The following ITPRID1 variants were observed in gnomAD, a reference collection of about 807,000 sequenced individuals.
The protein encoded by ITPRID1 is ITPR interacting domain containing 1, also known as protein ITPRID1.
In ITPRID1, 96 loss-of-function variants were observed where a neutral mutation model predicts 95.4. The ratio of observed to expected loss-of-function variants is 1.01; its 90% CI spans 0.85 to 1.19. The LOEUF (loss-of-function observed/expected upper bound fraction) is 1.19, where lower values mean the gene tolerates loss of function less well. Ranked by LOEUF, ITPRID1 falls within the 50% of genes most tolerant of loss-of-function variation. The probability of loss-of-function intolerance (pLI) is 0.00; values close to 1 mark genes in which losing one functional copy is unlikely to be tolerated. For missense variants in ITPRID1, 1,339 were observed against 1,252.9 expected (o/e 1.07, Z -1.04); for synonymous variants, 510 against 453.6 (o/e 1.12, Z -1.58).
Position 31,655,383 on chromosome 7 carries a change from C to T in ITPRID1, c.*2554C>T, listed in dbSNP as rs180970960. Among the ~76,000 whole-genome samples, 17 of 152,300 alleles carry T rather than the reference C, an allele frequency of 1.1e-4. No homozygotes were observed. The highest frequency in any genetic ancestry group is 2.9e-4 in the African/African-American group (12 of 41,570). ...AGTTTCCTCAGAACGAATTACCTGGCGACAGTGCAACATAGGTGCTTCCTA... is the reference window on the plus strand; with the variant it reads ...AGTTTCCTCAGAACGAATTACCTGGTGACAGTGCAACATAGGTGCTTCCTA... On this transcript the variant is annotated 3_prime_UTR_variant, in exon 15 of 15. Transcript: ENST00000615280.
intron 10 of ITPRID1, among the ~76,000 whole-genome samples, chr7:31,604,044 G>T (rs1417569708): frequency 6.6e-6 from 1 of 152,110 alleles, no homozygotes; most frequent in Non-Finnish European, 1.5e-5. Flanking sequence ...CAAAACATAT[G>T]TACCTAACTA....
At chr7:31,641,596 G>T (rs1790023197) in intron 10 of ITPRID1, among the ~76,000 whole-genome samples, 1 of 152,078 alleles carries the variant, frequency 6.6e-6, no homozygotes, top group African/African-American at 2.4e-5. Context: ...ACATTTCATG[G>T]ATGCTCCTGT....
rs560850298 is a variant in ITPRID1, at chr7:31,639,687, C to G, written c.1229-2489C>G. On this transcript the variant is annotated intron_variant, in intron 10 of 14. Transcript: ENST00000615280. ...AAGTATCTGGGACTACAGGTGCCTG[C>G]CACCATGCCCGGCTAATTTTTAGTA... 4.6e-5 allele frequency among the ~76,000 whole-genome samples: 7 copies of G among 152,000 alleles called. No individual in the cohort carries two copies. In the East Asian group the frequency reaches 1.2e-3, roughly 25 times the overall value.
chr7:31,598,908 T>C (rs879839142), intron 10 of ITPRID1, among the ~76,000 whole-genome samples: 11 of 152,216 alleles, frequency 7.2e-5, no homozygotes, highest in African/African-American at 2.7e-4. Context: ...TAGTATTTGA[T>C]ACTATCAAGT....
chr7:31,623,226 A>C (rs1018194539), intron 10 of ITPRID1, among the ~76,000 whole-genome samples: 1 of 152,184 alleles, frequency 6.6e-6, no homozygotes, highest in Non-Finnish European at 1.5e-5. Context: ...TCAATAGAAA[A>C]AGAGGGAATC....
intron 1 of ITPRID1, among the ~76,000 whole-genome samples, chr7:31,543,986 A>G (rs557678944): frequency 1.3e-5 from 2 of 152,236 alleles, no homozygotes; most frequent in South Asian, 4.1e-4. Context: ...TTCTAGCATC[A>G]CTTGTTAAAG....
chr7:31,600,975 C>T (rs925686695), intron 10 of ITPRID1, among the ~76,000 whole-genome samples: 2 of 152,090 alleles, frequency 1.3e-5, no homozygotes, highest in Non-Finnish European at 2.9e-5. Context: ...TGGGGGAGAG[C>T]CGTCTTCTGC....
intron 10 of ITPRID1, among the ~76,000 whole-genome samples, chr7:31,607,572 A>G (rs1786679867): frequency 6.6e-6 from 1 of 152,012 alleles, no homozygotes; most frequent in South Asian, 2.1e-4. Context: ...CTCTCTCCAG[A>G]AGCTTATAGA....
chr7:31,648,041 T>A (rs1363090912), intron 12 of ITPRID1, among the ~76,000 whole-genome samples: 1 of 152,152 alleles, frequency 6.6e-6, no homozygotes, highest in East Asian at 1.9e-4. Flanking sequence ...TTGTTAATTT[T>A]AAAAAGTGTT....
chr7:31,658,323 T>G, downstream of ITPRID1: 3 of 1,521,024 alleles, frequency 2.0e-6, no homozygotes, highest in Non-Finnish European at 2.6e-6. Context: ...CAAAAGCAAA[T>G]AACTCTGCTA....
intron 1 of ITPRID1, among the ~76,000 whole-genome samples, chr7:31,533,375 G>C (rs1260593243): frequency 6.6e-6 from 1 of 151,908 alleles, no homozygotes; most frequent in Non-Finnish European, 1.5e-5. Flanking sequence ...TTTATCAATT[G>C]ATAAAAAATC....
chr7:31,560,516 G>A (rs1322737104), intron 5 of ITPRID1, among the ~76,000 whole-genome samples: 2 of 152,190 alleles, frequency 1.3e-5, no homozygotes, highest in Admixed American at 6.5e-5. Flanking sequence ...CCAGAGGAGA[G>A]AGGATAGGGC....
intron 10 of ITPRID1, among the ~76,000 whole-genome samples, chr7:31,639,379 A>T (rs1291139768): frequency 7.1e-6 from 1 of 140,506 alleles, no homozygotes; most frequent in African/African-American, 2.7e-5. Context: ...TCTGCTATAT[A>T]TATCCAGTAT....
At chr7:31,585,219 A>T (rs1448145588) in intron 10 of ITPRID1, among the ~76,000 whole-genome samples, 2 of 152,240 alleles carry the variant, frequency 1.3e-5, no homozygotes, top group Non-Finnish European at 2.9e-5. Context: ...TTTTAAACAC[A>T]TAAATGGAGG....
In ITPRID1 at chr7:31,582,107, T is replaced by C. The variant is rs1005418479; in HGVS notation, c.1171-1027T>C. 6.6e-5 allele frequency among the ~76,000 whole-genome samples: 10 copies of C among 152,320 alleles called. No individual in the cohort carries two copies. In the East Asian group the frequency reaches 1.9e-3, roughly 29 times the overall value. On this transcript the variant is annotated intron_variant, in intron 9 of 14. Coordinates refer to ENST00000615280, the MANE Select transcript of ITPRID1 (RefSeq NM_001257967.3). ...AAATATCAATTCCAAATAAGTAATA[T>C]GACATGTAGAACAGATTTATGAACA...
intron 10 of ITPRID1, among the ~76,000 whole-genome samples, chr7:31,604,723 C>T (rs892304934): frequency 1.3e-5 from 2 of 152,134 alleles, no homozygotes; most frequent in African/African-American, 4.8e-5. Context: ...ATAAAAATTA[C>T]GTTTAACAAG....
At chr7:31,526,639 A>G (rs1303681994) in intron 1 of ITPRID1, among the ~76,000 whole-genome samples, 4 of 152,174 alleles carry the variant, frequency 2.6e-5, no homozygotes, top group African/African-American at 4.8e-5. Context: ...TGCCTGCTCT[A>G]TAGATGAAAT....
intron 13 of ITPRID1, 72 bp downstream of exon 13, chr7:31,651,341 G>A: frequency 2.0e-6 from 3 of 1,530,492 alleles, no homozygotes; most frequent in Non-Finnish European, 2.6e-6. Context: ...AATCAGGGCA[G>A]AACAGAGGAG....
At chr7:31,547,239 G>A (rs1784127724) in intron 1 of ITPRID1, among the ~76,000 whole-genome samples, 1 of 152,178 alleles carries the variant, frequency 6.6e-6, no homozygotes, top group South Asian at 2.1e-4. Context: ...ATTGGAGATG[G>A]TTGGTCTGAG....
Sources: allele counts gnomAD v4.1 joint callset (sites outside exome capture counted in the v4.1 genomes callset), GRCh38; gene constraint gnomAD v4.1.1; transcripts MANE v1.5; gene names NCBI Gene and HGNC (gene_info 2026-07-23, HGNC 2026-07-21).